Variants in BACH2 observed in about 807,000 individuals in gnomAD.
BACH2 encodes BACH transcriptional regulator 2, also known as transcription regulator protein BACH2.
A neutral mutation model predicts 61.8 loss-of-function variants in BACH2; 5 were observed. That is an observed-to-expected ratio of 0.08 (90% CI 0.04 to 0.17). The LOEUF (loss-of-function observed/expected upper bound fraction) is 0.17, where lower values mean the gene tolerates loss of function less well. Among genes scored for constraint, BACH2 ranks in the 10% least tolerant of loss-of-function variants. BACH2 has a pLI of 1.00. For synonymous variants in BACH2, 446 were observed against 440.1 expected, an observed-to-expected ratio of 1.01 and a Z score of -0.17; for missense variants, 824 against 1,091.1, an observed-to-expected ratio of 0.76 and a Z score of 3.45.
At chr6:89,977,193 GGATTT>G (rs1233406599) in intron 6 of BACH2, among the ~76,000 whole-genome samples, 2 of 151,894 alleles carry the variant, frequency 1.3e-5, no homozygotes, top group East Asian at 3.9e-4. Flanking sequence ...AGCCCTTCTT[GGATTT>G]ATTTGAAAAA....
intron 5 of BACH2, among the ~76,000 whole-genome samples, chr6:90,018,646 A>C (rs1778198673): frequency 6.6e-6 from 1 of 152,224 alleles, no homozygotes; most frequent in South Asian, 2.1e-4. Context: ...ACTTATCACA[A>C]TGCAAACCAC....
At chr6:90,211,759 TA>T (rs1769362917) in intron 3 of BACH2, among the ~76,000 whole-genome samples, 4 of 152,244 alleles carry the variant, frequency 2.6e-5, no homozygotes, top group African/African-American at 4.8e-5. Context: ...CCTTCAGTAA[TA>T]TATGTCAAAG....
chr6:90,033,157 TGAG>T (rs1375415110), intron 5 of BACH2, among the ~76,000 whole-genome samples: 3 of 150,298 alleles, frequency 2.0e-5, no homozygotes, highest in African/African-American at 7.4e-5. Flanking sequence ...AATTGAACAA[TGAG>T]AACATATGGA....
chr6:89,978,633 T>TAAAAAAAAAAAA (rs753724278), intron 6 of BACH2, among the ~76,000 whole-genome samples: 121 of 85,916 alleles, frequency 1.4e-3, no homozygotes, highest in Non-Finnish European at 1.7e-3. Flanking sequence ...GTGTTGGCTT[T>TAAAAAAAAAAAA]AAAAAAAAAA....
chr6:90,183,981 A>G (rs924507121), intron 4 of BACH2, among the ~76,000 whole-genome samples: 1 of 152,220 alleles, frequency 6.6e-6, no homozygotes, highest in Non-Finnish European at 1.5e-5. Context: ...GTCTTTTCTC[A>G]GTGTCTATGT....
chr6:90,011,947 T>C (rs1297908100), intron 5 of BACH2, among the ~76,000 whole-genome samples: 2 of 145,032 alleles, frequency 1.4e-5, no homozygotes, highest in Non-Finnish European at 3.0e-5. Context: ...TGTGTGTGTG[T>C]GTGTGTGTGT....
Position 89,929,444 on chromosome 6 carries a change from GAA to G in BACH2, c.*2962_*2963del, listed in dbSNP as rs1772518406. On this transcript the variant is annotated 3_prime_UTR_variant, in exon 9 of 9. Coordinates refer to ENST00000257749, the MANE Select transcript of BACH2 (RefSeq NM_021813.4). ...TTGACAAGCACATAGTTCTGAATAG[GAA>G]AAGACACACACACATCACATGAACA... is the stretch of plus-strand genomic sequence containing the variant. 1 of 152,370 alleles carries G rather than the reference GAA, an allele frequency of 6.6e-6. No homozygotes were observed. The highest frequency in any genetic ancestry group is 6.5e-5 in the Admixed American group (1 of 15,284). 9.4% of individuals were successfully genotyped at this position (152,370 alleles called of 1,614,324 possible).
intron 5 of BACH2, among the ~76,000 whole-genome samples, chr6:90,057,923 T>C (rs545016736): frequency 1.3e-3 from 199 of 152,236 alleles, no homozygotes; most frequent in South Asian, 5.0e-3. Flanking sequence ...AATTCAACAA[T>C]GCTTCATGCT....
At chr6:90,184,972 TTTAGAGAC>T (rs1768302167) in intron 4 of BACH2, among the ~76,000 whole-genome samples, 1 of 152,218 alleles carries the variant, frequency 6.6e-6, no homozygotes, top group African/African-American at 2.4e-5. Flanking sequence ...GAGTGAGTTC[TTTAGAGAC>T]TGAAGGAGTT....
At chr6:90,159,514 A>C (rs1356046856) in intron 4 of BACH2, among the ~76,000 whole-genome samples, 1 of 152,246 alleles carries the variant, frequency 6.6e-6, no homozygotes, top group African/African-American at 2.4e-5. Flanking sequence ...CTAGAGAATT[A>C]AGAAATGGTC....
intron 4 of BACH2, among the ~76,000 whole-genome samples, chr6:90,195,256 G>A (rs1344547749): frequency 6.6e-6 from 1 of 152,098 alleles, no homozygotes; most frequent in African/African-American, 2.4e-5. Flanking sequence ...AGGGCTGTCA[G>A]TGTCACAGTC....
chr6:90,115,119 G>A (rs927677804), intron 4 of BACH2, among the ~76,000 whole-genome samples: 1 of 152,126 alleles, frequency 6.6e-6, no homozygotes. Context: ...CAGATTCAGT[G>A]CTATTCCTAT....
At chr6:90,005,052 T>G (rs1027451369) in intron 6 of BACH2, among the ~76,000 whole-genome samples, 1 of 152,192 alleles carries the variant, frequency 6.6e-6, no homozygotes, top group East Asian at 1.9e-4. Flanking sequence ...TTTGTCTGTC[T>G]TTCAGTTTAG....
chr6:90,265,157 G>T (rs1339705161), intron 2 of BACH2, among the ~76,000 whole-genome samples: 1 of 152,154 alleles, frequency 6.6e-6, no homozygotes, highest in East Asian at 1.9e-4. Flanking sequence ...CTTGTAAAAG[G>T]TTCACACATG....
At chr6:90,138,803 C>T (rs779602645) in intron 4 of BACH2, among the ~76,000 whole-genome samples, 1 of 152,184 alleles carries the variant, frequency 6.6e-6, no homozygotes, top group Non-Finnish European at 1.5e-5. Flanking sequence ...GGAATGGAAA[C>T]AAACACAATG....
intron 4 of BACH2, among the ~76,000 whole-genome samples, chr6:90,157,732 A>T (rs1050312899): frequency 6.6e-6 from 1 of 152,114 alleles, no homozygotes; most frequent in East Asian, 1.9e-4. Context: ...AAATACTCCA[A>T]CCAAATCAGG....
intron 5 of BACH2, among the ~76,000 whole-genome samples, chr6:90,069,584 G>T (rs1781126682): frequency 6.6e-6 from 1 of 152,136 alleles, no homozygotes; most frequent in African/African-American, 2.4e-5. Context: ...ATGGGAAAAT[G>T]TTAACGTAGA....
intron 7 of BACH2, among the ~76,000 whole-genome samples, chr6:89,943,889 T>C (rs549904767): frequency 1.4e-4 from 21 of 152,328 alleles, no homozygotes; most frequent in Admixed American, 1.2e-3. Context: ...CCGAAGTCTT[T>C]AACGCCTGTA....
intron 5 of BACH2, among the ~76,000 whole-genome samples, chr6:90,070,796 T>C (rs1781189960): frequency 1.3e-5 from 2 of 152,354 alleles, no homozygotes; most frequent in African/African-American, 4.8e-5. Context: ...TTTGCTAGAA[T>C]AACAAATGTC....
Sources: allele counts gnomAD v4.1 joint callset (sites outside exome capture counted in the v4.1 genomes callset), GRCh38; gene constraint gnomAD v4.1.1; transcripts MANE v1.5; gene names NCBI Gene and HGNC (gene_info 2026-07-23, HGNC 2026-07-21).